The following LMO7 variants were observed in gnomAD, a reference collection of about 807,000 sequenced individuals.
LMO7 encodes LIM domain 7, also known as LIM domain only protein 7.
LMO7 carries 120 observed loss-of-function variants against 206.5 expected under a neutral mutation model. The observed-to-expected ratio is 0.58, with a 90% confidence interval of 0.50 to 0.68. LMO7 has a LOEUF of 0.68. LMO7 is among the 30% of genes least tolerant of loss of function. The pLI is 0.00. For missense variants in LMO7, 1,959 were observed against 1,957.9 expected (o/e 1.00, Z -0.01); for synonymous variants, 706 against 681.5 (o/e 1.04, Z -0.56).
chr13:75,754,272 A>G (rs1335731557), intron 3 of LMO7, among the ~76,000 whole-genome samples: 1 of 152,202 alleles, frequency 6.6e-6, no homozygotes. Context: ...TACAAATGGA[A>G]TACGTGACTT....
intron 1 of LMO7, among the ~76,000 whole-genome samples, chr13:75,686,921 G>C (rs2041057680): frequency 6.6e-6 from 1 of 152,096 alleles, no homozygotes; most frequent in African/African-American, 2.4e-5. Flanking sequence ...AAAAGGGCTA[G>C]AGAGCTGTCT....
intron 3 of LMO7, among the ~76,000 whole-genome samples, chr13:75,745,018 C>A (rs1006900715): frequency 2.8e-4 from 42 of 152,254 alleles, no homozygotes; most frequent in African/African-American, 9.9e-4. Flanking sequence ...CCAATAGTTA[C>A]ACTGAAAAAA....
At chr13:75,718,805 C>T (rs1008874792) in intron 2 of LMO7, among the ~76,000 whole-genome samples, 1 of 152,194 alleles carries the variant, frequency 6.6e-6, no homozygotes, top group African/African-American at 2.4e-5. Context: ...TCATCCCTCC[C>T]TTACCTCTAA....
intron 1 of LMO7, among the ~76,000 whole-genome samples, chr13:75,648,211 G>C (rs1050037484): frequency 3.9e-5 from 6 of 152,294 alleles, no homozygotes; most frequent in African/African-American, 1.2e-4. Flanking sequence ...GTGTCTGAAA[G>C]TGTTGGGATT....
chr13:75,635,028 C>CAAAA (rs984451343), upstream of LMO7, among the ~76,000 whole-genome samples: 23 of 135,690 alleles, frequency 1.7e-4, 1 homozygote, highest in African/African-American at 5.8e-4. Flanking sequence ...CAAAACAAAA[C>CAAAA]AAAACAAAAC....
At chr13:75,639,168 A>G (rs1032637534) in intron 1 of LMO7, among the ~76,000 whole-genome samples, 1 of 152,124 alleles carries the variant, frequency 6.6e-6, no homozygotes. Context: ...GATTTTTAGT[A>G]GCTAATGTGT....
chr13:75,731,676 T>C (rs1159098077), intron 3 of LMO7, among the ~76,000 whole-genome samples: 1 of 152,136 alleles, frequency 6.6e-6, no homozygotes, highest in African/African-American at 2.4e-5. Flanking sequence ...GTCATTATGA[T>C]GTTAGCTGGT....
chr13:75,845,509 A>AATT, intron 26 of LMO7, 130 bp downstream of exon 26: 1 of 565,800 alleles, frequency 1.8e-6, no homozygotes, highest in Non-Finnish European at 3.1e-6. Flanking sequence ...TTAGTATTTT[A>AATT]ACCTCTGTAT....
intron 1 of LMO7, among the ~76,000 whole-genome samples, chr13:75,694,014 TA>T (rs58590514): frequency 0.063 from 9,219 of 145,832 alleles, 453 homozygotes; most frequent in African/African-American, 0.13. Context: ...GACCTTAAAA[TA>T]AAAAAAAAAA....
chr13:75,858,098 G>C lies in LMO7; in HGVS notation c.*155G>C. On this transcript the variant is annotated 3_prime_UTR_variant, in exon 31 of 31. Coordinates refer to ENST00000377534, the MANE Select transcript of LMO7 (RefSeq NM_001306080.2). ...CTTTAGATTACATAGAAGCATTGTA[G>C]TCTTGGTAGAACCAGTATTTTTGTT... 1.4e-6 allele frequency: 1 copy of C among 694,634 alleles called. No individual in the cohort carries two copies. Among genetic ancestry groups the C allele is most frequent in the Non-Finnish European group, 2.3e-6 (1 of 434,076 alleles). 43.0% of individuals were successfully genotyped at this position (694,634 alleles called of 1,614,324 possible).
intron 14 of LMO7, among the ~76,000 whole-genome samples, chr13:75,823,221 T>C (rs531396259): frequency 2.2e-4 from 33 of 152,320 alleles, no homozygotes; most frequent in African/African-American, 7.5e-4. Context: ...AGTTACACCA[T>C]CTTGATATGT....
intron 15 of LMO7, among the ~76,000 whole-genome samples, chr13:75,826,859 A>G (rs1240523735): frequency 3.3e-5 from 5 of 152,134 alleles, no homozygotes; most frequent in African/African-American, 1.2e-4. Context: ...CCTGGGAAAG[A>G]GACACGATTC....
chr13:75,735,139 G>A (rs112969596), intron 3 of LMO7, among the ~76,000 whole-genome samples: 1 of 147,722 alleles, frequency 6.8e-6, no homozygotes, highest in African/African-American at 2.5e-5. Flanking sequence ...GTGTGTGTGT[G>A]TGTATGTATG....
rs2058979305 is a variant in LMO7 at position 75,834,741 on chromosome 13, CAT to C, written c.3226+357_3226+358del. ...TTAACTTTATCTGCAGCATCATAAC[CAT>C]ATTGGTATAAGAGAGAGAGCTTGGT... On this transcript the variant is annotated intron_variant, in intron 17 of 30. Coordinates refer to ENST00000377534, the MANE Select transcript of LMO7 (RefSeq NM_001306080.2). Among the ~76,000 whole-genome samples, 3 of 152,174 alleles carry C rather than the reference CAT, an allele frequency of 2.0e-5. No individual in the cohort carries two copies. In the South Asian group the frequency reaches 6.2e-4, roughly 32 times the overall value.
intron 15 of LMO7, 114 bp downstream of exon 15, chr13:75,823,987 A>C: frequency 1.2e-6 from 1 of 803,802 alleles, no homozygotes; most frequent in Non-Finnish European, 2.0e-6. Context: ...GAAAATGTGC[A>C]AAATGATATT....
rs764480554 is a variant in LMO7 at position 75,838,382 on chromosome 13, C to T, written c.3451+186C>T. The T allele has an allele frequency of 4.1e-6, 6 of 1,480,892 alleles. No homozygotes were observed. The South Asian group carries it at 7.3e-5, about 18-fold the overall frequency. The allele number at this position is 1,480,892 out of a possible 1,614,324, so 91.7% of individuals were successfully genotyped here. A position where few individuals can be genotyped will look rare whatever the true frequency, so the allele number is the denominator to read the frequency against. ...CTTTTCTTACAGTTCATGGGTCTAC[C>T]TCTGTGGTAATGGGTCTTTGTGTGT... On this transcript the variant is annotated intron_variant, in intron 20 of 30. Transcript: ENST00000377534.
chr13:75,853,071 T>G, intron 27 of LMO7, 21 bp from the exon 28 acceptor site: 1 of 1,552,204 alleles, frequency 6.4e-7, no homozygotes, highest in South Asian at 1.2e-5. Flanking sequence ...ATTATTTTGA[T>G]GAGTCTTTTT....
upstream of LMO7, among the ~76,000 whole-genome samples, chr13:75,634,439 C>CT (rs1165192882): frequency 3.8e-5 from 4 of 106,590 alleles, no homozygotes; most frequent in Admixed American, 4.5e-4. Context: ...TCTTAAAAAA[C>CT]TTAAAAAACA....
chr13:75,763,452 A>G (rs943325770), intron 4 of LMO7, among the ~76,000 whole-genome samples: 2 of 152,194 alleles, frequency 1.3e-5, no homozygotes, highest in South Asian at 2.1e-4. Context: ...ATATACAGAC[A>G]TAATTTATGC....
Sources: allele counts gnomAD v4.1 joint callset (sites outside exome capture counted in the v4.1 genomes callset), GRCh38; gene constraint gnomAD v4.1.1; transcripts MANE v1.5; gene names NCBI Gene and HGNC (gene_info 2026-07-23, HGNC 2026-07-21).